STARD9: variants seen among roughly 807,000 people sequenced by gnomAD.
The protein encoded by STARD9 is StAR related lipid transfer domain containing 9.
STARD9 carries 346 observed loss-of-function variants against 399.8 expected under a neutral mutation model. The observed-to-expected ratio is 0.87, with a 90% CI of 0.79 to 0.95. The LOEUF (loss-of-function observed/expected upper bound fraction) is 0.95. Ranked by LOEUF, STARD9 falls within the 40% of genes least tolerant of loss-of-function variation. STARD9 has a pLI of 0.00. For synonymous variants in STARD9, 2,203 were observed against 2,143.5 expected (o/e 1.03, Z -0.77); for missense variants, 5,832 against 5,667.5 (o/e 1.03, Z -0.93).
intron 3 of STARD9, among the ~76,000 whole-genome samples, chr15:42,607,651 TACACACACACACAC>T (rs10655556): frequency 4.8e-4 from 69 of 143,778 alleles, no homozygotes; most frequent in African/African-American, 1.6e-3. Context: ...CACACACTTA[TACACACACACACAC>T]ACACACACAC....
At chr15:42,699,352 A>G (rs1032420273) in intron 26 of STARD9, among the ~76,000 whole-genome samples, 17 of 132,184 alleles carry the variant, frequency 1.3e-4, no homozygotes, top group East Asian at 4.5e-4. Flanking sequence ...GGTAACCACT[A>G]TTCTGCTTTC....
At chr15:42,717,710 G>A in intron 28 of STARD9, 21 bp from the exon 29 acceptor site, 2 of 1,536,682 alleles carry the variant, frequency 1.3e-6, no homozygotes, top group Non-Finnish European at 8.7e-7. Context: ...CCTAATTTGG[G>A]TGTGGCCATT....
In STARD9 at chr15:42,685,051, G is replaced by T. The variant is rs747014033; in HGVS notation, c.3473G>T (p.Ser1158Ile). 194 of 1,537,064 alleles carry T rather than the reference G, an allele frequency of 1.3e-4. No homozygotes were observed. Among genetic ancestry groups the T allele is most frequent in the Non-Finnish European group, 1.7e-4 (193 of 1,146,940 alleles). The part of the protein sequence containing the change: ...EDSLAEKRYQ[S>I]PKNRLGGNRP... ...TCACTGGCTGAGAAGAGGTACCAAA[G>T]CCCCAAAAACAGGCTAGGGGGCAAT... The change falls in exon 23 of 33, where the codon AGC becomes ATC. Residue 1158 changes from serine (S) to isoleucine (I), a missense_variant. This residue lies in a region of STARD9 where 5,828 missense variants were observed against 5,651.1 expected (regional missense o/e 1.03). Coordinates refer to ENST00000290607, the MANE Select transcript of STARD9 (RefSeq NM_020759.3).
Position 42,718,440 on chromosome 15 carries a change from T to C in STARD9, c.13768T>C (p.Leu4590=). The change falls in exon 31 of 33, where the codon TTG becomes CTG. Residue 4590 remains leucine, a synonymous_variant. Transcript: ENST00000290607. ...CCTTATCCCTGTCCCTCCAGTGTAC[T>C]TGGTGTGCAACACCACCCTGTGCGC... The part of the protein sequence containing the change: ...RVTNSISLVY[L]VCNTTLCALK... 6.5e-7 allele frequency: 1 copy of C among 1,536,838 alleles called. No homozygotes were observed. Among genetic ancestry groups the C allele is most frequent in the African/African-American group, 1.4e-5 (1 of 73,138 alleles).
Position 42,684,160 on chromosome 15 carries a change from C to G in STARD9, c.2582C>G (p.Pro861Arg). 1 of 1,537,032 alleles carries G rather than the reference C, an allele frequency of 6.5e-7. No individual in the cohort carries two copies. The highest frequency in any genetic ancestry group is 1.4e-5 in the African/African-American group (1 of 73,162). ...WDPSTTLPPR[P>R]DPTHQTSEKT... Reference sequence around the variant, plus strand: ...CCCTCTACCACATTGCCACCTAGGCCTGACCCTACACACCAAACATCAGAG... The same window carrying G: ...CCCTCTACCACATTGCCACCTAGGCGTGACCCTACACACCAAACATCAGAG... The change falls in exon 23 of 33, where the codon CCT (proline) becomes CGT (arginine). Residue 861 changes from proline (P) to arginine (R), a missense_variant. Physicochemically the swap from Pro to Arg is moderately radical, Grantham distance 103 (BLOSUM62 -2). Around this residue, in one of 2 missense-constraint regions of STARD9, gnomAD observed 5,828 missense variants for 5,651.1 expected, o/e 1.03. Transcript: ENST00000290607.
At chr15:42,605,785 A>C (rs1010107324) in intron 3 of STARD9, among the ~76,000 whole-genome samples, 1 of 152,170 alleles carries the variant, frequency 6.6e-6, no homozygotes, top group African/African-American at 2.4e-5. Context: ...ATGAGAAGAC[A>C]TCTGACAGGG....
rs769800612 is a variant in STARD9, at chr15:42,684,301, C to T, written c.2723C>T (p.Ala908Val). The change falls in exon 23 of 33, where the codon GCA (alanine) becomes GTA (valine). Residue 908 changes from alanine (A) to valine (V), a missense_variant. By Grantham distance (64) the Ala-to-Val change is moderately conservative. This residue lies in a region of STARD9 where 5,828 missense variants were observed against 5,651.1 expected (regional missense o/e 1.03). Transcript: ENST00000290607. ...CATGGGCAGCCCTGCACAGCCAGAGCAGCCTTGGCCAGGAAGGGAGCCTCA... is the reference window on the plus strand; with the variant it reads ...CATGGGCAGCCCTGCACAGCCAGAGTAGCCTTGGCCAGGAAGGGAGCCTCA... ...SGHGQPCTAR[A>V]ALARKGASAP... is the part of the protein sequence containing the mutation. 9.1e-6 allele frequency: 14 copies of T among 1,536,822 alleles called. No individual in the cohort carries two copies. Among genetic ancestry groups the T allele is most frequent in the African/African-American group, 1.4e-5 (1 of 73,064 alleles).
rs2060540980 is a variant in STARD9, at chr15:42,685,839, T to G, written c.4261T>G (p.Ser1421Ala). 6.5e-7 allele frequency: 1 copy of G among 1,537,130 alleles called. No homozygotes were observed. Among genetic ancestry groups the G allele is most frequent in the East Asian group, 2.4e-5 (1 of 40,928 alleles). ...GCACACAGCCTCTGCTGCTGATACG[T>G]CTAGGCTGTCTCTCTGGGGAATTCA... Reference protein sequence around the residue: ...DEHTASAADTSRLSLWGIQRL... With the variant: ...DEHTASAADTARLSLWGIQRL... The change falls in exon 23 of 33, where the codon TCT becomes GCT. Residue 1421 changes from serine to alanine, a missense_variant. By Grantham distance (99) the Ser-to-Ala change is moderately conservative (BLOSUM62 1). Transcript: ENST00000290607.
Position 42,663,827 on chromosome 15 carries a change from T to C in STARD9, c.1086T>C (p.Ser362=). ...TTTCTCCTTCTACCTCAGCGGTGTC[T>C]CCTGCACACACTAGCTACAGTGAGA... ...NSKTIMVATV[S]PAHTSYSETM... is the part of the protein sequence containing the mutation. Residue 362 remains serine, a synonymous_variant, in exon 13 of 33, where the codon TCT becomes TCC. Transcript: ENST00000290607. 1 of 1,536,242 alleles carries C rather than the reference T, an allele frequency of 6.5e-7. No homozygotes were observed. Among genetic ancestry groups the C allele is most frequent in the Non-Finnish European group, 8.7e-7 (1 of 1,145,974 alleles).
chr15:42,682,451 C>G lies in STARD9; in HGVS notation c.2413C>G (p.Pro805Ala), dbSNP rs755284976. 32 of 1,537,034 alleles carry G rather than the reference C, an allele frequency of 2.1e-5. No homozygotes were observed. The South Asian group carries it at 3.6e-4, about 17-fold the overall frequency. Residue 805 changes from proline to alanine, a missense_variant, in exon 22 of 33, where the codon CCC (proline) becomes GCC (alanine). Transcript: ENST00000290607. ...GCTCCAGGATGACAGCACCCAGGAG[C>G]CCCCATACCAGGTCCTCAGCCCTGA... ...CWLQDDSTQE[P>A]PYQVLSPDAT...
At chr15:42,626,096 A>G (rs2059203058) in intron 3 of STARD9, among the ~76,000 whole-genome samples, 1 of 151,430 alleles carries the variant, frequency 6.6e-6, no homozygotes, top group South Asian at 2.1e-4. Flanking sequence ...TAATTGTTGT[A>G]TTTTTTAGTA....
At chr15:42,588,003 C>T (rs2058312447) in intron 3 of STARD9, among the ~76,000 whole-genome samples, 2 of 152,188 alleles carry the variant, frequency 1.3e-5, no homozygotes, top group Non-Finnish European at 1.5e-5. Flanking sequence ...ACTCCTATAA[C>T]AGTCCACAGT....
intron 26 of STARD9, among the ~76,000 whole-genome samples, chr15:42,700,269 T>C (rs1464454202): frequency 1.3e-5 from 2 of 151,372 alleles, no homozygotes; most frequent in Non-Finnish European, 3.0e-5. Flanking sequence ...TTTGACATAC[T>C]GATTTCATTT....
At chr15:42,638,873 G>A in intron 7 of STARD9, 61 bp downstream of exon 7, 1 of 971,720 alleles carries the variant, frequency 1.0e-6, no homozygotes, top group Non-Finnish European at 1.5e-6. Flanking sequence ...CTCTCCTAAT[G>A]TTCCCTAATT....
chr15:42,686,925 G>T lies in STARD9; in HGVS notation c.5347G>T (p.Gly1783Cys). The change falls in exon 23 of 33, where the codon GGT becomes TGT. Residue 1783 changes from glycine (G) to cysteine (C), a missense_variant. This residue lies in a region of STARD9 where 5,828 missense variants were observed against 5,651.1 expected (regional missense o/e 1.03). Coordinates refer to ENST00000290607, the MANE Select transcript of STARD9 (RefSeq NM_020759.3). ...ACCCCCCAGGGAAGCCTGGGGCTTT[G>T]GTCACAACCACCAAGCTCTCCAAGG... The part of the protein sequence containing the change: ...SPPPREAWGF[G>C]HNHQALQGAY... 2 of 1,536,664 alleles carry T rather than the reference G, an allele frequency of 1.3e-6. No individual in the cohort carries two copies. Among genetic ancestry groups the T allele is most frequent in the Non-Finnish European group, 8.7e-7 (1 of 1,146,844 alleles).
intron 28 of STARD9, 142 bp from the exon 29 acceptor site, chr15:42,717,589 C>T: frequency 1.3e-6 from 1 of 747,008 alleles, no homozygotes; most frequent in Non-Finnish European, 2.3e-6. Context: ...TACGCCACTC[C>T]ACTCCAGCCT....
At chr15:42,715,545 G>A (rs2061334116) in intron 26 of STARD9, among the ~76,000 whole-genome samples, 1 of 149,640 alleles carries the variant, frequency 6.7e-6, no homozygotes, top group Non-Finnish European at 1.5e-5. Context: ...TTGAGATGGA[G>A]TCTCTCTCTG....
intron 9 of STARD9, among the ~76,000 whole-genome samples, chr15:42,657,858 G>A (rs1280428839): frequency 6.6e-6 from 1 of 152,192 alleles, no homozygotes; most frequent in Non-Finnish European, 1.5e-5. Context: ...AAGTTGCAAA[G>A]GCAATTCAGT....
At chr15:42,710,214 C>G (rs2061182832) in intron 26 of STARD9, among the ~76,000 whole-genome samples, 1 of 150,522 alleles carries the variant, frequency 6.6e-6, no homozygotes, top group South Asian at 2.1e-4. Flanking sequence ...TGTGCACCAC[C>G]ATGCCCGGGT....
Sources: gnomAD v4.1 joint callset for allele counts (sites outside exome capture counted in the v4.1 genomes callset) on GRCh38, gnomAD v4.1.1 for gene constraint, gnomAD v4.1.1 regional missense constraint, MANE v1.5 for transcripts, NCBI Gene and HGNC (gene_info 2026-07-23, HGNC 2026-07-21) for gene names.